Variants in PAK3 observed in about 807,000 individuals in gnomAD.
PAK3 encodes the protein serine/threonine-protein kinase PAK 3.
Under a neutral mutation model 41.0 loss-of-function variants are expected in PAK3, and 4 were observed. The observed-to-expected ratio is 0.10, with a 90% CI of 0.05 to 0.22. The LOEUF is 0.22. Ranked by LOEUF, PAK3 falls within the 10% of genes least tolerant of loss-of-function variation. The pLI is 1.00. For synonymous variants in PAK3, 146 were observed against 139.6 expected, an observed-to-expected ratio of 1.05 and a Z score of -0.32; for missense variants, 205 against 409.9, an observed-to-expected ratio of 0.50 and a Z score of 4.32.
intron 11 of PAK3, among the ~76,000 whole-genome samples, chrX:111,188,902 G>T (rs1398185971): frequency 2.7e-5 from 3 of 111,989 alleles, no homozygotes; most frequent in African/African-American, 9.7e-5. Flanking sequence ...GAATAAACCA[G>T]AGTCACTTTT....
chrX:111,091,772 G>T (rs189101696), upstream of PAK3, among the ~76,000 whole-genome samples: 4 of 112,267 alleles, frequency 3.6e-5, no homozygotes, highest in African/African-American at 1.3e-4. Flanking sequence ...TAATGGCAAC[G>T]GGTTGTAGTG....
intron 5 of PAK3, among the ~76,000 whole-genome samples, chrX:111,124,076 A>G (rs2093615711): frequency 8.9e-6 from 1 of 112,000 alleles, no homozygotes; most frequent in African/African-American, 3.2e-5. Context: ...GAAGAGAAAC[A>G]GGACATTCTC....
At chrX:111,213,807 G>T (rs925501293) in intron 16 of PAK3, among the ~76,000 whole-genome samples, 5 of 112,177 alleles carry the variant, frequency 4.5e-5, no homozygotes, top group Non-Finnish European at 7.5e-5. Context: ...GAGGACAGGT[G>T]CTTCAAGTAC....
At chrX:111,060,412 G>C (rs2092645465) in intron 1 of PAK3, among the ~76,000 whole-genome samples, 1 of 111,243 alleles carries the variant, frequency 9.0e-6, no homozygotes, top group Non-Finnish European at 1.9e-5. Context: ...TGTCTGTCTG[G>C]TTTTGGTATC....
At chrX:111,098,005 C>G (rs1454418817) in intron 3 of PAK3, among the ~76,000 whole-genome samples, 1 of 111,098 alleles carries the variant, frequency 9.0e-6, no homozygotes, top group African/African-American at 3.3e-5. Flanking sequence ...TCCGGACAGG[C>G]AGCTGGGCCT....
chrX:111,021,994 A>T (rs1307940035), intron 1 of PAK3, among the ~76,000 whole-genome samples: 1 of 111,936 alleles, frequency 8.9e-6, no homozygotes, highest in Non-Finnish European at 1.9e-5. Flanking sequence ...AAGAATTTTT[A>T]AAAATGAACA....
intron 1 of PAK3, among the ~76,000 whole-genome samples, chrX:111,004,407 C>A (rs1183442932): frequency 8.9e-6 from 1 of 111,978 alleles, no homozygotes; most frequent in Admixed American, 9.5e-5. Flanking sequence ...ACTATACTGT[C>A]ACATATAAAC....
At position 111,216,548 on chromosome X, in the gene PAK3, A is replaced by T; in HGVS notation, c.1535A>T (p.Glu512Val). Reference protein sequence around the residue: ...MDVDRRGSAKELLQHPFLKLA... With the variant: ...MDVDRRGSAKVLLQHPFLKLA... The stretch of plus-strand genomic sequence containing the variant: ...GTGGATAGGCGAGGATCTGCCAAGG[A>T]GCTTTTGCAGGTGAAAATAAAATAG... Residue 512 changes from glutamate (E) to valine (V), a missense_variant, in exon 17 of 18, where the codon GAG becomes GTG. Glu to Val is a moderately radical substitution (Grantham distance 121). Around this residue, in one of 5 missense-constraint regions of PAK3, gnomAD observed 40 missense variants for 54.4 expected, o/e 0.74. Coordinates refer to ENST00000372007, the MANE Select transcript of PAK3 (RefSeq NM_002578.5). The T allele has an allele frequency of 5.8e-6, 7 of 1,201,038 alleles. No individual in the cohort carries two copies. The highest frequency in any genetic ancestry group is 7.9e-6 in the Non-Finnish European group (7 of 885,917).
At chrX:110,991,894 C>T (rs1030657365) in intron 1 of PAK3, among the ~76,000 whole-genome samples, 1 of 111,342 alleles carries the variant, frequency 9.0e-6, no homozygotes. Context: ...AAAAAACACA[C>T]AGGACAGGCA....
chrX:111,101,066 C>A (rs2093125567), intron 3 of PAK3, among the ~76,000 whole-genome samples: 1 of 112,187 alleles, frequency 8.9e-6, no homozygotes, highest in Admixed American at 9.4e-5. Context: ...AGTACAGACA[C>A]ATAGCACTCA....
At chrX:111,149,126 A>G (rs139276756) in intron 7 of PAK3, among the ~76,000 whole-genome samples, 12,564 of 111,240 alleles carry the variant, frequency 0.11, 1,404 homozygotes, top group African/African-American at 0.34. Context: ...AAAATCCAGC[A>G]GGGCAGTCAA....
intron 5 of PAK3, among the ~76,000 whole-genome samples, chrX:111,136,320 G>A (rs1167766635): frequency 8.9e-6 from 1 of 111,752 alleles, no homozygotes; most frequent in African/African-American, 3.2e-5. Context: ...AATCTGCATG[G>A]CTGTGTGATT....
At chrX:111,032,119 G>A (rs1451956134) in intron 1 of PAK3, among the ~76,000 whole-genome samples, 1 of 111,884 alleles carries the variant, frequency 8.9e-6, no homozygotes, top group Non-Finnish European at 1.9e-5. Flanking sequence ...ACTGTTTTGA[G>A]AGGGATTTAC....
intron 1 of PAK3, among the ~76,000 whole-genome samples, chrX:111,061,955 C>T (rs903351981): frequency 9.1e-6 from 1 of 110,308 alleles, no homozygotes; most frequent in Non-Finnish European, 1.9e-5. Flanking sequence ...GCTGGGACTA[C>T]AGGCACCCAC....
intron 4 of PAK3, among the ~76,000 whole-genome samples, chrX:111,119,117 T>G (rs1449269568): frequency 9.0e-6 from 1 of 111,012 alleles, no homozygotes; most frequent in African/African-American, 3.3e-5. Flanking sequence ...AGAGAGGTAA[T>G]CTCTCCTAGT....
At chrX:111,014,796 T>G (rs1240226660) in intron 1 of PAK3, among the ~76,000 whole-genome samples, 5 of 111,622 alleles carry the variant, frequency 4.5e-5, no homozygotes, top group Non-Finnish European at 9.4e-5. Context: ...TTAAGAAATA[T>G]TTGCCGGCTT....
chrX:111,104,614 A>G (rs757139428), intron 4 of PAK3, among the ~76,000 whole-genome samples: 5 of 111,888 alleles, frequency 4.5e-5, no homozygotes, highest in Non-Finnish European at 9.4e-5. Flanking sequence ...GACTAAAATG[A>G]GAAGCCCCTG....
chrX:111,001,180 C>G (rs1416844238), intron 1 of PAK3, among the ~76,000 whole-genome samples: 3 of 111,845 alleles, frequency 2.7e-5, no homozygotes, highest in African/African-American at 6.5e-5. Context: ...TTAAAGGTAT[C>G]GGAAAGAGAC....
At chrX:110,976,900 T>C (rs1253402828) in intron 1 of PAK3, among the ~76,000 whole-genome samples, 1 of 108,021 alleles carries the variant, frequency 9.3e-6, no homozygotes. Flanking sequence ...TAGGTGGGAA[T>C]TGAACAATGA....
Sources: gnomAD v4.1 joint callset for allele counts (sites outside exome capture counted in the v4.1 genomes callset) on GRCh38, gnomAD v4.1.1 for gene constraint, gnomAD v4.1.1 regional missense constraint, MANE v1.5 for transcripts, NCBI Gene and HGNC (gene_info 2026-07-23, HGNC 2026-07-21) for gene names.